The following MACF1 variants were observed in gnomAD, a reference collection of about 807,000 sequenced individuals.
MACF1 encodes microtubule-actin cross-linking factor 1.
In MACF1, 193 loss-of-function variants were observed where a neutral mutation model predicts 854.8. The ratio of observed to expected loss-of-function variants is 0.23; its 90% CI spans 0.20 to 0.25. The LOEUF (loss-of-function observed/expected upper bound fraction) is 0.25, where lower values mean the gene tolerates loss of function less well. Among genes scored for constraint, MACF1 ranks in the 10% least tolerant of loss-of-function variants. MACF1 has a pLI of 1.00. For missense variants in MACF1, 7,722 were observed against 8,929.1 expected (o/e 0.86, Z 5.45); for synonymous variants, 3,185 against 3,226.7 (o/e 0.99, Z 0.44).
intron 6 of MACF1, among the ~76,000 whole-genome samples, chr1:39,276,762 T>C (rs77103490): frequency 0.024 from 3,660 of 152,314 alleles, 110 homozygotes; most frequent in East Asian, 0.16. Flanking sequence ...ACCATAGATA[T>C]GAGATTTTTT....
intron 5 of MACF1, among the ~76,000 whole-genome samples, chr1:39,254,992 GGAGT>G (rs1645081499): frequency 6.6e-6 from 1 of 151,756 alleles, no homozygotes; most frequent in African/African-American, 2.4e-5. Flanking sequence ...AGCATGAGGA[GGAGT>G]ATTGGTAGTC....
At chr1:39,437,513 T>C (rs12061378) in intron 70 of MACF1, among the ~76,000 whole-genome samples, 4,766 of 152,128 alleles carry the variant, frequency 0.031, 234 homozygotes, top group African/African-American at 0.11. Flanking sequence ...CGTTTCACCA[T>C]GTTGGCCAGG....
chr1:39,317,373 C>G lies in MACF1; in HGVS notation c.3748C>G (p.Arg1250Gly). The G allele has an allele frequency of 6.2e-7, 1 of 1,613,098 alleles. No individual in the cohort carries two copies. Among genetic ancestry groups the G allele is most frequent in the Non-Finnish European group, 8.5e-7 (1 of 1,179,910 alleles). ...YQEKGSQLQE[R>G]WHRVIAQLEI... ...GGAAAAAGGCTCCCAGCTGCAGGAG[C>G]GTTGGCACCGAGTCATTGCCCAGCT... Residue 1250 changes from arginine to glycine, a missense_variant, in exon 29 of 101, where the codon CGT becomes GGT. Physicochemically the swap from Arg to Gly is moderately radical, Grantham distance 125 (BLOSUM62 -2). This residue lies in a region of MACF1 where 1,137 missense variants were observed against 1,263.0 expected (regional missense o/e 0.90). Coordinates refer to ENST00000564288, the MANE Select transcript of MACF1 (RefSeq NM_001394062.1).
At chr1:39,172,063 CA>C (rs1273534431) in intron 2 of MACF1, among the ~76,000 whole-genome samples, 1 of 152,176 alleles carries the variant, frequency 6.6e-6, no homozygotes, top group African/African-American at 2.4e-5. Flanking sequence ...TGTGCTCTGC[CA>C]TCTTTCAGGG....
intron 2 of MACF1, among the ~76,000 whole-genome samples, chr1:39,085,994 C>T (rs1305058415): frequency 6.6e-6 from 1 of 152,212 alleles, no homozygotes; most frequent in East Asian, 1.9e-4. Flanking sequence ...AAAGCTTCCT[C>T]CTCCGCTCTC....
At chr1:39,098,427 C>G (rs77440651) in intron 2 of MACF1, among the ~76,000 whole-genome samples, 1,933 of 152,320 alleles carry the variant, frequency 0.013, 45 homozygotes, top group African/African-American at 0.044. Flanking sequence ...ACTGCCTCCC[C>G]CATTACAAGG....
intron 6 of MACF1, among the ~76,000 whole-genome samples, chr1:39,262,397 C>CAAAAAAAAAAAAAAAA (rs56376033): frequency 2.9e-5 from 2 of 68,802 alleles, no homozygotes; most frequent in Admixed American, 2.5e-4. Flanking sequence ...GACTCCATCA[C>CAAAAAAAAAAAAAAAA]AAAAAAAAAA....
chr1:39,109,755 C>G (rs1021613626), intron 2 of MACF1, among the ~76,000 whole-genome samples: 1 of 152,102 alleles, frequency 6.6e-6, no homozygotes, highest in Non-Finnish European at 1.5e-5. Context: ...GTCTAAGAGC[C>G]AGGCTCCAGA....
chr1:39,103,152 ATC>A, intron 2 of MACF1: 2 of 422,580 alleles, frequency 4.7e-6, no homozygotes, highest in South Asian at 2.1e-5. Context: ...CTTAAAAGGA[ATC>A]TCAACCCCTT....
chr1:39,369,692 G>A (rs1011589275), intron 50 of MACF1, among the ~76,000 whole-genome samples: 1 of 152,200 alleles, frequency 6.6e-6, no homozygotes, highest in Non-Finnish European at 1.5e-5. Flanking sequence ...CTAAAATGTA[G>A]CAGGGCCGGA....
intron 70 of MACF1, chr1:39,437,529 C>T (rs1259921817): frequency 4.7e-6 from 2 of 421,646 alleles, no homozygotes; most frequent in Non-Finnish European, 9.2e-6. Context: ...CCAGGCTGGT[C>T]TTGAACTCCT....
chr1:39,452,779 A>G lies in MACF1; in HGVS notation c.20709A>G (p.Thr6903=), dbSNP rs1321918632. The change falls in exon 87 of 101, where the codon ACA becomes ACG. Residue 6903 remains threonine (T), a synonymous_variant. Transcript: ENST00000564288. ...LRFRGALPDD[T]EALQSLIDTH... ...TTCGGGGAGCACTTCCTGATGACAC[A>G]GAGGCCCTGCAGTCTCTCATTGACA... 5.6e-6 allele frequency: 9 copies of G among 1,614,062 alleles called. No homozygotes were observed. In the African/African-American group the frequency reaches 6.7e-5, roughly 12 times the overall value.
intron 2 of MACF1, among the ~76,000 whole-genome samples, chr1:39,087,397 C>T (rs1641699550): frequency 6.6e-6 from 1 of 152,234 alleles, no homozygotes; most frequent in African/African-American, 2.4e-5. Flanking sequence ...CTGGTGGTCA[C>T]ACATGTCAGA....
At chr1:39,206,417 T>G (rs1004817933) in intron 1 of MACF1, 1 of 152,226 alleles carries the variant, frequency 6.6e-6, no homozygotes, top group African/African-American at 2.4e-5. Context: ...GGCTGCTGCT[T>G]TTCTTTCCTT....
At chr1:39,123,709 C>CTTATTTTTTT (rs1376838861) in intron 2 of MACF1, among the ~76,000 whole-genome samples, 1 of 94,388 alleles carries the variant, frequency 1.1e-5, no homozygotes. Context: ...CCGGCTAATT[C>CTTATTTTTTT]TTGTTTTGTT....
At chr1:39,178,912 G>A (rs1343952247) in intron 2 of MACF1, among the ~76,000 whole-genome samples, 1 of 152,208 alleles carries the variant, frequency 6.6e-6, no homozygotes, top group Admixed American at 6.5e-5. Context: ...GTCAGCCTTA[G>A]CCGCCTCTTG....
chr1:39,405,043 A>G (rs896365806), intron 58 of MACF1, among the ~76,000 whole-genome samples: 20 of 152,162 alleles, frequency 1.3e-4, no homozygotes, highest in African/African-American at 4.6e-4. Flanking sequence ...TGGAAAGTCT[A>G]CAGGCAGGAA....
chr1:39,264,847 G>T (rs1300476068), intron 6 of MACF1, among the ~76,000 whole-genome samples: 1 of 150,844 alleles, frequency 6.6e-6, no homozygotes, highest in Non-Finnish European at 1.5e-5. Flanking sequence ...CTAATTTTTT[G>T]TATTTTTTAG....
intron 2 of MACF1, among the ~76,000 whole-genome samples, chr1:39,166,581 T>C (rs1490148568): frequency 1.3e-5 from 2 of 151,152 alleles, no homozygotes; most frequent in African/African-American, 4.9e-5. Flanking sequence ...CTCAGCCTCC[T>C]GAGTAGCTGG....
Sources: allele counts gnomAD v4.1 joint callset (sites outside exome capture counted in the v4.1 genomes callset), GRCh38; gene constraint gnomAD v4.1.1; regional missense constraint gnomAD v4.1.1; transcripts MANE v1.5; gene names NCBI Gene and HGNC (gene_info 2026-07-23, HGNC 2026-07-21).